Variants in SEC23A observed in about 807,000 individuals in gnomAD.
SEC23A encodes SEC23 homolog A, COPII component.
A neutral mutation model predicts 103.7 loss-of-function variants in SEC23A; 56 were observed. The ratio of observed to expected loss-of-function variants is 0.54; its 90% CI spans 0.44 to 0.67. The LOEUF (loss-of-function observed/expected upper bound fraction) is 0.67. Ranked by LOEUF, SEC23A falls within the 30% of genes least tolerant of loss-of-function variation. The pLI, the probability that SEC23A is intolerant of heterozygous loss-of-function variation, is 0.00. For synonymous variants in SEC23A, 281 were observed against 293.0 expected, an observed-to-expected ratio of 0.96 and a Z score of 0.42; for missense variants, 784 against 936.4, an observed-to-expected ratio of 0.84 and a Z score of 2.12.
rs75618102 is a variant in SEC23A at position 39,086,381 on chromosome 14, G to A, written c.684-475C>T. The stretch of plus-strand genomic sequence containing the variant: ...TAGCAGGGCGCGGTGGCTCACACCT[G>A]TAATCCCAGCACTTTGGGAGGCCGA... On this transcript the variant is annotated intron_variant, in intron 6 of 19. Coordinates refer to ENST00000307712, the MANE Select transcript of SEC23A (RefSeq NM_006364.4). 3.6e-3 allele frequency among the ~76,000 whole-genome samples: 546 copies of A among 152,318 alleles called. 29 individuals are homozygous for A. The East Asian group carries it at 0.092, about 26-fold the overall frequency.
rs765789373 is a variant in SEC23A, at chr14:39,067,213, C to G, written c.1187G>C (p.Gly396Ala). The G allele has an allele frequency of 2.1e-5, 34 of 1,613,578 alleles. No homozygotes were observed. Among genetic ancestry groups the G allele is most frequent in the Non-Finnish European group, 2.9e-5 (34 of 1,179,814 alleles). Residue 396 changes from glycine to alanine, a missense_variant, in exon 10 of 20, where the codon GGA becomes GCA. Physicochemically the swap from Gly to Ala is moderately conservative, Grantham distance 60. Around this residue, in one of 2 missense-constraint regions of SEC23A, gnomAD observed 683 missense variants for 774.2 expected, o/e 0.88. Coordinates refer to ENST00000307712, the MANE Select transcript of SEC23A (RefSeq NM_006364.4). ...FQRVFTKDMH[G>A]QFKMGFGGTL... ...ACCACCAAAGCCCATTTTAAACTGT[C>G]CATGCATGTCTTTGGTAAAGACTCT...
At chr14:39,072,013 C>T (rs1210386028) in intron 9 of SEC23A, among the ~76,000 whole-genome samples, 1 of 151,256 alleles carries the variant, frequency 6.6e-6, no homozygotes, top group Non-Finnish European at 1.5e-5. Flanking sequence ...GTGGGTGGAT[C>T]TCTTGAGATC....
rs747715736 is a variant in SEC23A, at chr14:39,042,853, C to T, written c.1919G>A (p.Ser640Asn). The part of the protein sequence containing the change: ...GPPEPVLLDS[S>N]SILADRILLM... ...AAGAATACGATCTGCAAGAATGCTA[C>T]TGCTATCAAGAAGAACCGGCTAACG... Residue 640 changes from serine to asparagine, a missense_variant, in exon 17 of 20, where the codon AGT becomes AAT. Ser to Asn is a conservative substitution (Grantham distance 46). This residue lies in a region of SEC23A where 101 missense variants were observed against 162.2 expected (regional missense o/e 0.62). Coordinates refer to ENST00000307712, the MANE Select transcript of SEC23A (RefSeq NM_006364.4). 3 of 1,611,482 alleles carry T rather than the reference C, an allele frequency of 1.9e-6. No homozygotes were observed. In the East Asian group the frequency reaches 6.7e-5, roughly 36 times the overall value.
In SEC23A at chr14:39,085,913, A is replaced by C. The variant is rs1297421935; in HGVS notation, c.684-7T>G. The C allele has an allele frequency of 1.2e-6, 2 of 1,611,232 alleles. No homozygotes were observed. Among genetic ancestry groups the C allele is most frequent in the Admixed American group, 3.3e-5 (2 of 60,008 alleles). On this transcript the variant is annotated splice_region_variant and splice_polypyrimidine_tract_variant and intron_variant, in intron 6 of 19. Coordinates refer to ENST00000307712, the MANE Select transcript of SEC23A (RefSeq NM_006364.4). Reference sequence around the variant, plus strand: ...CTGTACTGGTTGTAAGAATCTAAGAAACAGAATTAAATAAAAAGCCATTTG... The same window carrying C: ...CTGTACTGGTTGTAAGAATCTAAGACACAGAATTAAATAAAAAGCCATTTG...
intron 7 of SEC23A, among the ~76,000 whole-genome samples, chr14:39,083,727 T>C (rs1887319127): frequency 6.6e-6 from 1 of 151,760 alleles, no homozygotes; most frequent in Non-Finnish European, 1.5e-5. Context: ...CACACCTGGC[T>C]AATTTTTTTG....
chr14:39,061,941 A>G, intron 12 of SEC23A, 70 bp from the exon 13 acceptor site: 5 of 914,344 alleles, frequency 5.5e-6, no homozygotes, highest in Non-Finnish European at 9.2e-6. Flanking sequence ...CACAGGCTAC[A>G]TGTCCTAGCA....
rs766971542 is a variant in SEC23A, at chr14:39,045,065, A to G, written c.1899+98T>C. ...TGTCCATTCTTTTAGTTAAATTCTTATATTTAGTAACTATATGCATTTTTT... is the reference window on the plus strand; with the variant it reads ...TGTCCATTCTTTTAGTTAAATTCTTGTATTTAGTAACTATATGCATTTTTT... On this transcript the variant is annotated intron_variant, in intron 16 of 19. Transcript: ENST00000307712. 27 of 1,006,114 alleles carry G rather than the reference A, an allele frequency of 2.7e-5. No individual in the cohort carries two copies. In the Middle Eastern group the frequency reaches 1.2e-3, roughly 45 times the overall value. The allele number at this position is 1,006,114 out of a possible 1,614,324, so 62.3% of individuals were successfully genotyped here.
At chr14:39,049,206 A>G (rs756474068) in intron 14 of SEC23A, among the ~76,000 whole-genome samples, 47 of 151,596 alleles carry the variant, frequency 3.1e-4, no homozygotes, top group Non-Finnish European at 5.6e-4. Flanking sequence ...GGCCGGGCGC[A>G]GTGGCTCACA....
chr14:39,069,201 A>T (rs1246120902), intron 9 of SEC23A, among the ~76,000 whole-genome samples: 1 of 152,146 alleles, frequency 6.6e-6, no homozygotes, highest in Non-Finnish European at 1.5e-5. Flanking sequence ...ACTTCCCACC[A>T]TCTGTGCTAC....
chr14:39,089,815 G>A (rs56895099), intron 5 of SEC23A, among the ~76,000 whole-genome samples: 3,190 of 152,226 alleles, frequency 0.021, 115 homozygotes, highest in African/African-American at 0.073. Context: ...AATTAGCTGG[G>A]CATGATGGCG....
intron 2 of SEC23A, 66 bp from the exon 3 acceptor site, chr14:39,093,310 T>C: frequency 1.5e-6 from 2 of 1,294,316 alleles, no homozygotes; most frequent in Non-Finnish European, 2.2e-6. Context: ...AAAATCCTAA[T>C]TTCAATAAAA....
At chr14:39,073,542 C>T (rs1380362419) in intron 9 of SEC23A, among the ~76,000 whole-genome samples, 1 of 149,906 alleles carries the variant, frequency 6.7e-6, no homozygotes, top group Non-Finnish European at 1.5e-5. Flanking sequence ...AATCCTCCCA[C>T]CTCGGCTTCT....
chr14:39,044,073 T>C (rs1885748923), intron 16 of SEC23A, among the ~76,000 whole-genome samples: 1 of 152,032 alleles, frequency 6.6e-6, no homozygotes, highest in South Asian at 2.1e-4. Flanking sequence ...TCTATGTTAA[T>C]TAATAAGAAT....
intron 13 of SEC23A, among the ~76,000 whole-genome samples, chr14:39,060,097 A>G (rs895680675): frequency 6.9e-6 from 1 of 145,870 alleles, no homozygotes; most frequent in East Asian, 2.1e-4. Flanking sequence ...TAATGTGTGC[A>G]CACACATGTG....
chr14:39,050,181 G>A (rs1886008756), intron 14 of SEC23A, among the ~76,000 whole-genome samples: 1 of 152,116 alleles, frequency 6.6e-6, no homozygotes, highest in African/African-American at 2.4e-5. Context: ...AAAACAGACT[G>A]AAGCATAAAG....
At chr14:39,066,792 G>A (rs1382719163) in intron 10 of SEC23A, among the ~76,000 whole-genome samples, 3 of 152,174 alleles carry the variant, frequency 2.0e-5, no homozygotes, top group Non-Finnish European at 2.9e-5. Flanking sequence ...GAACCCAGGA[G>A]GCGGAGGCTG....
intron 19 of SEC23A, 92 bp from the exon 20 acceptor site, chr14:39,033,420 T>C (rs371263490): frequency 2.6e-6 from 2 of 763,616 alleles, no homozygotes; most frequent in Non-Finnish European, 4.2e-6. Flanking sequence ...GGAAATCATT[T>C]GAAATGCCTA....
intron 13 of SEC23A, among the ~76,000 whole-genome samples, chr14:39,057,863 G>A (rs929619086): frequency 2.0e-4 from 30 of 152,002 alleles, no homozygotes; most frequent in African/African-American, 5.3e-4. Context: ...ATAAAGTGTC[G>A]GAAGTTTCTC....
At chr14:39,096,241 T>A in intron 1 of SEC23A, 102 bp from the exon 2 acceptor site, 1 of 826,810 alleles carries the variant, frequency 1.2e-6, no homozygotes. Context: ...ACCTTAGAAA[T>A]CAGGACCAGC....
Sources: gnomAD v4.1 joint callset for allele counts (sites outside exome capture counted in the v4.1 genomes callset) on GRCh38, gnomAD v4.1.1 for gene constraint, gnomAD v4.1.1 regional missense constraint, MANE v1.5 for transcripts, NCBI Gene and HGNC (gene_info 2026-07-23, HGNC 2026-07-21) for gene names.